PLA2G7: variants seen among roughly 807,000 people sequenced by gnomAD.
The protein encoded by PLA2G7 is phospholipase A2 group VII.
A neutral mutation model predicts 49.6 loss-of-function variants in PLA2G7; 63 were observed. The observed-to-expected ratio is 1.27, with a 90% CI of 1.04 to 1.57. The LOEUF is 1.57. PLA2G7 is among the 40% of genes most tolerant of loss of function. PLA2G7 has a pLI of 0.00. For missense variants in PLA2G7, 596 were observed against 521.2 expected (o/e 1.14, Z -1.40); for synonymous variants, 193 against 169.9 (o/e 1.14, Z -1.06).
At chr6:46,721,793 G>A (rs768037029) in intron 2 of PLA2G7, among the ~76,000 whole-genome samples, 5 of 151,770 alleles carry the variant, frequency 3.3e-5, no homozygotes, top group African/African-American at 9.7e-5. Flanking sequence ...CTCTCCTAAT[G>A]CATTCATTTT....
intron 6 of PLA2G7, 34 bp downstream of exon 6, chr6:46,712,235 T>C: frequency 7.4e-7 from 1 of 1,358,928 alleles, no homozygotes; most frequent in Non-Finnish European, 1.1e-6. Context: ...TCCCTGTAGT[T>C]GGCCAAAGAG....
At chr6:46,734,394 G>A (rs1388318535) in intron 1 of PLA2G7, among the ~76,000 whole-genome samples, 1 of 141,724 alleles carries the variant, frequency 7.1e-6, no homozygotes, top group African/African-American at 2.6e-5. Flanking sequence ...AGTGAGAGGT[G>A]TGTAGTGGTG....
At chr6:46,707,132 A>C (rs1764855124) in intron 10 of PLA2G7, among the ~76,000 whole-genome samples, 1 of 152,188 alleles carries the variant, frequency 6.6e-6, no homozygotes, top group Non-Finnish European at 1.5e-5. Context: ...AAGAATTGCC[A>C]ACACGTCATG....
At position 46,735,188 on chromosome 6, in the gene PLA2G7, G is replaced by A. The variant is rs200104341; in HGVS notation, c.-43C>T. On this transcript the variant is annotated 5_prime_UTR_variant, in exon 1 of 12. Transcript: ENST00000274793. ...CCGGGGCCCCTCCTCACTCAGGCGC[G>A]GCGCGGAGCTGCTCGCGGGAACTGG... 4 of 151,942 alleles carry A rather than the reference G, an allele frequency of 2.6e-5. No homozygotes were observed. Among genetic ancestry groups the A allele is most frequent in the South Asian group, 2.1e-4 (1 of 4,798 alleles). The allele number at this position is 151,942 out of a possible 1,614,324, so 9.4% of individuals were successfully genotyped here.
At chr6:46,731,620 T>A (rs770072380) in intron 1 of PLA2G7, among the ~76,000 whole-genome samples, 7 of 152,156 alleles carry the variant, frequency 4.6e-5, no homozygotes, top group Non-Finnish European at 8.8e-5. Flanking sequence ...AAAGATACTT[T>A]TATGTATAAT....
intron 3 of PLA2G7, 137 bp from the exon 4 acceptor site, chr6:46,716,665 C>A: frequency 1.2e-6 from 1 of 804,058 alleles, no homozygotes; most frequent in South Asian, 1.7e-5. Flanking sequence ...TTTTAGGCTG[C>A]TGTGGTGATT....
intron 9 of PLA2G7, 83 bp from the exon 10 acceptor site, chr6:46,708,244 G>A: frequency 2.0e-6 from 2 of 1,020,534 alleles, no homozygotes; most frequent in Non-Finnish European, 1.6e-6. Flanking sequence ...TGCTAGGATT[G>A]GTGGACACGC....
rs922239026 is a variant in PLA2G7, at chr6:46,735,218, C to G, written c.-73G>C. 6.6e-6 allele frequency: 1 copy of G among 152,234 alleles called. No individual in the cohort carries two copies. Among genetic ancestry groups the G allele is most frequent in the Non-Finnish European group, 1.5e-5 (1 of 68,080 alleles). The allele number at this position is 152,234 out of a possible 1,614,324, so 9.4% of individuals were successfully genotyped here. On this transcript the variant is annotated 5_prime_UTR_variant, in exon 1 of 12. Transcript: ENST00000274793. The stretch of plus-strand genomic sequence containing the variant: ...GGAGCTGCTCGCGGGAACTGGGGTC[C>G]CTGGGCGCGTTCCACCGCGCACCAA...
chr6:46,707,299 C>T (rs986543598), intron 10 of PLA2G7, among the ~76,000 whole-genome samples: 3 of 152,208 alleles, frequency 2.0e-5, no homozygotes, highest in African/African-American at 4.8e-5. Context: ...CCCCAAAAAT[C>T]TGTAGGCATA....
chr6:46,706,644 A>C (rs1228818531), intron 10 of PLA2G7, among the ~76,000 whole-genome samples: 1 of 152,238 alleles, frequency 6.6e-6, no homozygotes, highest in Non-Finnish European at 1.5e-5. Flanking sequence ...CAAGAGTCAA[A>C]GAGTGAATAG....
At chr6:46,728,685 C>T (rs45561837) in intron 1 of PLA2G7, among the ~76,000 whole-genome samples, 370 of 152,306 alleles carry the variant, frequency 2.4e-3, no homozygotes, top group African/African-American at 8.2e-3. Flanking sequence ...CAGCCTGCTG[C>T]TATACTGTAA....
chr6:46,707,964 A>G, intron 10 of PLA2G7, 27 bp downstream of exon 10: 1 of 1,415,584 alleles, frequency 7.1e-7, no homozygotes. Context: ...TTTGTTTCAC[A>G]TAATGAAATA....
chr6:46,715,419 A>G (rs979621504), intron 4 of PLA2G7, among the ~76,000 whole-genome samples: 4 of 152,320 alleles, frequency 2.6e-5, no homozygotes, highest in South Asian at 4.1e-4. Context: ...ACTTCAGAAA[A>G]TGATATCTCT....
rs183588928 is a variant in PLA2G7 at position 46,715,140 on chromosome 6, G to A, written c.377-587C>T. Among the ~76,000 whole-genome samples, 4 of 152,292 alleles carry A rather than the reference G, an allele frequency of 2.6e-5. No individual in the cohort carries two copies. The East Asian group carries it at 7.7e-4, about 29-fold the overall frequency. On this transcript the variant is annotated intron_variant, in intron 4 of 11. Transcript: ENST00000274793. ...ACTTATAGGTGTATTCATAAAGGCT[G>A]CTACTTACTGCCATTCCCAGGTTTT...
At chr6:46,704,749 A>G (rs2150689062) in intron 11 of PLA2G7, 53 bp from the exon 12 acceptor site, 1 of 1,126,972 alleles carries the variant, frequency 8.9e-7, no homozygotes, top group Admixed American at 1.7e-5. Context: ...AGCATTAAAC[A>G]GTTTGGTGCC....
At chr6:46,712,785 T>G (rs980256241) in intron 5 of PLA2G7, among the ~76,000 whole-genome samples, 1 of 152,218 alleles carries the variant, frequency 6.6e-6, no homozygotes, top group Non-Finnish European at 1.5e-5. Context: ...TCCTCACCTG[T>G]AAAATGGGCC....
intron 5 of PLA2G7, among the ~76,000 whole-genome samples, chr6:46,712,892 T>C (rs1292713377): frequency 6.6e-6 from 1 of 152,238 alleles, no homozygotes; most frequent in African/African-American, 2.4e-5. Context: ...GAATGAGACC[T>C]GCAGTCTGAC....
intron 6 of PLA2G7, 43 bp downstream of exon 6, chr6:46,712,226 C>A (rs200665319): frequency 8.6e-7 from 1 of 1,169,180 alleles, no homozygotes; most frequent in South Asian, 1.2e-5. Context: ...CATTGACATT[C>A]CCTGTAGTTG....
chr6:46,716,645 C>A lies in PLA2G7; in HGVS notation c.232-117G>T, dbSNP rs541982618. ...AATACCTCTGTGTTCACAAAAAGGT[C>A]TAAAGAACTTTTTAGGCTGCTGTGG... On this transcript the variant is annotated intron_variant, in intron 3 of 11. Coordinates refer to ENST00000274793, the MANE Select transcript of PLA2G7 (RefSeq NM_005084.4). 51 of 1,026,722 alleles carry A rather than the reference C, an allele frequency of 5.0e-5. No individual in the cohort carries two copies. In the Admixed American group the frequency reaches 7.1e-4, roughly 14 times the overall value. 63.6% of individuals were successfully genotyped at this position (1,026,722 alleles called of 1,614,324 possible).
Sources: gnomAD v4.1 joint callset for allele counts (sites outside exome capture counted in the v4.1 genomes callset) on GRCh38, gnomAD v4.1.1 for gene constraint, MANE v1.5 for transcripts, NCBI Gene and HGNC (gene_info 2026-07-23, HGNC 2026-07-21) for gene names.